Variants in SYPL1 observed in about 807,000 individuals in gnomAD.
SYPL1 encodes synaptophysin like 1.
SYPL1 carries 6 observed loss-of-function variants against 23.7 expected under a neutral mutation model. The ratio of observed to expected loss-of-function variants is 0.25; its 90% confidence interval spans 0.14 to 0.50. The LOEUF is 0.50. Among genes scored for constraint, SYPL1 ranks in the 20% least tolerant of loss-of-function variants. The pLI, the probability that SYPL1 is intolerant of heterozygous loss-of-function variation, is 0.98. For synonymous variants in SYPL1, 102 were observed against 104.5 expected (o/e 0.98, Z 0.15); for missense variants, 253 against 288.9 (o/e 0.88, Z 0.90).
chr7:106,111,609 T>C (rs1266781267), intron 1 of SYPL1, among the ~76,000 whole-genome samples: 1 of 152,220 alleles, frequency 6.6e-6, no homozygotes, highest in East Asian at 1.9e-4. Context: ...CCACAGTTTA[T>C]TTTTTTACTA....
At position 106,091,681 on chromosome 7, in the gene SYPL1, T is replaced by G. The variant is rs1274230117; in HGVS notation, c.*124A>C. Reference sequence around the variant, plus strand: ...GGCTTTATGTAAAAAAGCAGCAAAGTTTTAAACCCACCAATATATTGACAA... The same window carrying G: ...GGCTTTATGTAAAAAAGCAGCAAAGGTTTAAACCCACCAATATATTGACAA... On this transcript the variant is annotated 3_prime_UTR_variant, in exon 5 of 5. Coordinates refer to ENST00000455385, the MANE Select transcript of SYPL1 (RefSeq NM_182715.4). The surrounding 1 kb of genome is among the most constrained non-coding windows in gnomAD (Gnocchi z 5.0). 5 of 1,100,284 alleles carry G rather than the reference T, an allele frequency of 4.5e-6. No homozygotes were observed. Among genetic ancestry groups the G allele is most frequent in the Non-Finnish European group, 6.1e-6 (5 of 820,188 alleles). The allele number at this position is 1,100,284 out of a possible 1,614,324, so 68.2% of individuals were successfully genotyped here. A position where few individuals can be genotyped will look rare whatever the true frequency, so the allele number is the denominator to read the frequency against.
chr7:106,105,327 C>A (rs1189431659), intron 1 of SYPL1, among the ~76,000 whole-genome samples: 2 of 151,482 alleles, frequency 1.3e-5, no homozygotes, highest in African/African-American at 2.4e-5. Flanking sequence ...CTTATTTTCC[C>A]ATATACTCCT....
In SYPL1 at chr7:106,100,870, T is replaced by A. The variant is rs73197520; in HGVS notation, c.70-1588A>T. 5.8e-4 allele frequency among the ~76,000 whole-genome samples: 88 copies of A among 152,346 alleles called. No individual in the cohort carries two copies. The highest frequency in any genetic ancestry group is 1.1e-3 in the Non-Finnish European group (72 of 68,022). ...CTATGAATAAAAACCAAAGTTCATA[T>A]AAAGGCCTGCAAGATCCTTTCTTCC... On this transcript the variant is annotated intron_variant, in intron 1 of 4. Coordinates refer to ENST00000455385, the MANE Select transcript of SYPL1 (RefSeq NM_182715.4). This position sits in a 1 kb window ranked among gnomAD's most constrained non-coding sequence, Gnocchi z 5.1.
At chr7:106,101,702 T>A (rs1840329064) in intron 1 of SYPL1, among the ~76,000 whole-genome samples, 1 of 150,122 alleles carries the variant, frequency 6.7e-6, no homozygotes, top group Admixed American at 6.7e-5. Flanking sequence ...CAATACTCTC[T>A]CAGAATAAAT....
chr7:106,111,078 G>A (rs776223974), intron 1 of SYPL1, among the ~76,000 whole-genome samples: 3 of 152,218 alleles, frequency 2.0e-5, no homozygotes, highest in African/African-American at 4.8e-5. Flanking sequence ...CACACAAAAT[G>A]TTCAGTGAAT....
At position 106,096,425 on chromosome 7, in the gene SYPL1, G is replaced by A. The variant is rs923649651; in HGVS notation, c.402+1265C>T. 2 of 152,164 alleles carry A rather than the reference G, an allele frequency of 1.3e-5. No individual in the cohort carries two copies. Among genetic ancestry groups the A allele is most frequent in the African/African-American group, 2.4e-5 (1 of 41,442 alleles). The allele number at this position is 152,164 out of a possible 1,614,324, so 9.4% of individuals were successfully genotyped here. A position where few individuals can be genotyped will look rare whatever the true frequency, so the allele number is the denominator to read the frequency against. On this transcript the variant is annotated intron_variant, in intron 3 of 4. Transcript: ENST00000455385. This position sits in a 1 kb window ranked among gnomAD's most constrained non-coding sequence, Gnocchi z 4.4. ...AACTTCACAAATAATTAGCAGATGT[G>A]TTTTCTCATACATATGAATGACCAG...
chr7:106,109,971 G>T lies in SYPL1; in HGVS notation c.69+2169C>A, dbSNP rs1404857574. ...AAGGTCAGAATTGGAGGGAGAAATC[G>T]ATTGATTGAGGAATTATGAGTGCCT... is the stretch of plus-strand genomic sequence containing the variant. On this transcript the variant is annotated intron_variant, in intron 1 of 4. Coordinates refer to ENST00000455385, the MANE Select transcript of SYPL1 (RefSeq NM_182715.4). The surrounding 1 kb of genome is among the most constrained non-coding windows in gnomAD (Gnocchi z 4.3). Among the ~76,000 whole-genome samples, 1 of 152,130 alleles carries T rather than the reference G, an allele frequency of 6.6e-6. No homozygotes were observed. The highest frequency in any genetic ancestry group is 1.5e-5 in the Non-Finnish European group (1 of 68,036).
chr7:106,094,640 A>G (rs945425948), intron 3 of SYPL1, among the ~76,000 whole-genome samples: 9 of 152,344 alleles, frequency 5.9e-5, no homozygotes, highest in Admixed American at 5.9e-4. Context: ...CTTGCTAGAA[A>G]TACAGTGTTT....
In SYPL1 at chr7:106,097,952, T is replaced by A; in HGVS notation, c.195-55A>T. 6.9e-7 allele frequency: 1 copy of A among 1,457,016 alleles called. No homozygotes were observed. Among genetic ancestry groups the A allele is most frequent in the Non-Finnish European group, 9.4e-7 (1 of 1,060,198 alleles). The allele number at this position is 1,457,016 out of a possible 1,614,324, so 90.3% of individuals were successfully genotyped here. ...CTTTCCCAACAGAGACAGAAACATTTAAGCAAAACAATGAGTGACACTTCA... is the reference window on the plus strand; with the variant it reads ...CTTTCCCAACAGAGACAGAAACATTAAAGCAAAACAATGAGTGACACTTCA... On this transcript the variant is annotated intron_variant, in intron 2 of 4. Coordinates refer to ENST00000455385, the MANE Select transcript of SYPL1 (RefSeq NM_182715.4). This position sits in a 1 kb window ranked among gnomAD's most constrained non-coding sequence, Gnocchi z 4.6.
chr7:106,094,115 T>C (rs771129066), intron 3 of SYPL1, among the ~76,000 whole-genome samples: 11 of 152,226 alleles, frequency 7.2e-5, no homozygotes, highest in Non-Finnish European at 1.5e-4. Context: ...AGCTCTTACA[T>C]ATCTGCAGCA....
At chr7:106,106,187 T>G (rs1840587837) in intron 1 of SYPL1, among the ~76,000 whole-genome samples, 1 of 152,210 alleles carries the variant, frequency 6.6e-6, no homozygotes, top group African/African-American at 2.4e-5. Context: ...TAGTAAAACA[T>G]GCATCTTAAG....
chr7:106,095,302 A>G lies in SYPL1; in HGVS notation c.403-2165T>C, dbSNP rs1479054996. 6.6e-6 allele frequency among the ~76,000 whole-genome samples: 1 copy of G among 152,166 alleles called. No individual in the cohort carries two copies. Among genetic ancestry groups the G allele is most frequent in the Non-Finnish European group, 1.5e-5 (1 of 68,030 alleles). On this transcript the variant is annotated intron_variant, in intron 3 of 4. Coordinates refer to ENST00000455385, the MANE Select transcript of SYPL1 (RefSeq NM_182715.4). The surrounding 1 kb of genome is among the most constrained non-coding windows in gnomAD (Gnocchi z 4.3). ...CCTCATTAATAGTACCTAAAAATTA[A>G]TGTCATATTTGGCTATATCTTAAAT...
At position 106,091,340 on chromosome 7, in the gene SYPL1, A is replaced by G. The variant is rs1187026835; in HGVS notation, c.*465T>C. ...ATGTTAGATATAAATTTTGAACTCA[A>G]TATGTTTTTTCCTACATATTTATGT... On this transcript the variant is annotated 3_prime_UTR_variant, in exon 5 of 5. Coordinates refer to ENST00000455385, the MANE Select transcript of SYPL1 (RefSeq NM_182715.4). The surrounding 1 kb of genome is among the most constrained non-coding windows in gnomAD (Gnocchi z 5.0). 1.3e-5 allele frequency: 2 copies of G among 152,752 alleles called. No homozygotes were observed. Among genetic ancestry groups the G allele is most frequent in the African/African-American group, 2.4e-5 (1 of 41,456 alleles). The allele number at this position is 152,752 out of a possible 1,614,324, so 9.5% of individuals were successfully genotyped here. A position where few individuals can be genotyped will look rare whatever the true frequency, so the allele number is the denominator to read the frequency against.
At chr7:106,099,118 TAA>T (rs774912362) in intron 2 of SYPL1, 38 bp downstream of exon 2, 5 of 1,579,744 alleles carry the variant, frequency 3.2e-6, no homozygotes, top group South Asian at 2.4e-5. Flanking sequence ...ACTGTGAAAG[TAA>T]AAAGAGTTGT....
rs1042510592 is a variant in SYPL1 at position 106,096,063 on chromosome 7, A to G, written c.402+1627T>C. On this transcript the variant is annotated intron_variant, in intron 3 of 4. Coordinates refer to ENST00000455385, the MANE Select transcript of SYPL1 (RefSeq NM_182715.4). The surrounding 1 kb of genome is among the most constrained non-coding windows in gnomAD (Gnocchi z 4.4). ...GTTATAAAGAATTTTAACAAAATAT[A>G]ATTATCTATAAGATTATTCCAGTTC... 6.6e-6 allele frequency among the ~76,000 whole-genome samples: 1 copy of G among 152,242 alleles called. No individual in the cohort carries two copies. Among genetic ancestry groups the G allele is most frequent in the Non-Finnish European group, 1.5e-5 (1 of 68,046 alleles).
intron 1 of SYPL1, among the ~76,000 whole-genome samples, chr7:106,108,346 A>T (rs889519644): frequency 6.6e-6 from 1 of 152,156 alleles, no homozygotes. Flanking sequence ...AACTGACAGC[A>T]TTTGTTGCCA....
At position 106,091,763 on chromosome 7, in the gene SYPL1, T is replaced by C. The variant is rs757059779; in HGVS notation, c.*42A>G. The C allele has an allele frequency of 8.3e-6, 13 of 1,565,810 alleles. No homozygotes were observed. The highest frequency in any genetic ancestry group is 1.7e-4 in the Middle Eastern group (1 of 5,838). Reference sequence around the variant, plus strand: ...TTCTCAAGGTGTTGGCAACATGTCATAGTATCAACATATACTTCATACAGT... The same window carrying C: ...TTCTCAAGGTGTTGGCAACATGTCACAGTATCAACATATACTTCATACAGT... On this transcript the variant is annotated 3_prime_UTR_variant, in exon 5 of 5. Coordinates refer to ENST00000455385, the MANE Select transcript of SYPL1 (RefSeq NM_182715.4). The surrounding 1 kb of genome is among the most constrained non-coding windows in gnomAD (Gnocchi z 5.0).
intron 1 of SYPL1, among the ~76,000 whole-genome samples, chr7:106,101,458 C>T (rs796080042): frequency 1.0e-4 from 3 of 29,206 alleles, no homozygotes; most frequent in Non-Finnish European, 2.2e-4. Flanking sequence ...CCCCCCCCCC[C>T]CCCCCCCCCA....
At chr7:106,101,714 T>C (rs1045564237) in intron 1 of SYPL1, among the ~76,000 whole-genome samples, 1 of 149,086 alleles carries the variant, frequency 6.7e-6, no homozygotes, top group African/African-American at 2.5e-5. Flanking sequence ...AGAATAAATA[T>C]GCATGAATAC....
Sources: allele counts gnomAD v4.1 joint callset (sites outside exome capture counted in the v4.1 genomes callset), GRCh38; gene constraint gnomAD v4.1.1; non-coding constraint Gnocchi (gnomAD v3.1); transcripts MANE v1.5; gene names NCBI Gene and HGNC (gene_info 2026-07-23, HGNC 2026-07-21).